The following LRRC7 variants were observed in gnomAD, a reference collection of about 807,000 sequenced individuals.
LRRC7 encodes leucine-rich repeat-containing protein 7.
LRRC7 carries 23 observed loss-of-function variants against 175.7 expected under a neutral mutation model. The ratio of observed to expected loss-of-function variants is 0.13; its 90% CI spans 0.09 to 0.19. LRRC7 has a LOEUF of 0.19. LRRC7 is among the 10% of genes least tolerant of loss of function. LRRC7 has a pLI of 1.00. For missense variants in LRRC7, 1,354 were observed against 1,904.7 expected (o/e 0.71, Z 5.38); for synonymous variants, 685 against 680.9 (o/e 1.01, Z -0.09).
intron 3 of LRRC7, among the ~76,000 whole-genome samples, chr1:69,773,988 TGA>T (rs891542454): frequency 1.1e-4 from 17 of 152,250 alleles, no homozygotes; most frequent in African/African-American, 3.6e-4. Context: ...CTCTACAGCC[TGA>T]GAGACAGAGT....
chr1:69,758,093 T>C (rs1238591669), intron 2 of LRRC7, among the ~76,000 whole-genome samples: 1 of 152,018 alleles, frequency 6.6e-6, no homozygotes, highest in Non-Finnish European at 1.5e-5. Context: ...AAGTGCCTAT[T>C]ATATATAATA....
chr1:70,070,704 A>T (rs1343549489), intron 23 of LRRC7, among the ~76,000 whole-genome samples: 2 of 152,112 alleles, frequency 1.3e-5, no homozygotes, highest in Non-Finnish European at 1.5e-5. Context: ...GCTTCTCATC[A>T]TTGCTAAGTG....
chr1:69,707,452 G>A (rs914495893), intron 2 of LRRC7, among the ~76,000 whole-genome samples: 10 of 151,974 alleles, frequency 6.6e-5, no homozygotes, highest in South Asian at 2.1e-4. Context: ...TTTATTACGC[G>A]CCAATTTCTG....
At chr1:69,575,145 T>A (rs2100890902) in intron 1 of LRRC7, among the ~76,000 whole-genome samples, 1 of 152,220 alleles carries the variant, frequency 6.6e-6, no homozygotes, top group South Asian at 2.1e-4. Flanking sequence ...AAGAAGAAAC[T>A]GAGGCCCCAC....
chr1:69,859,398 T>C (rs1242945851), intron 7 of LRRC7, among the ~76,000 whole-genome samples: 1 of 152,100 alleles, frequency 6.6e-6, no homozygotes, highest in Non-Finnish European at 1.5e-5. Context: ...CACACACCTA[T>C]ATAGAAGGCT....
At chr1:69,744,985 A>G (rs1669103033) in intron 2 of LRRC7, among the ~76,000 whole-genome samples, 1 of 151,832 alleles carries the variant, frequency 6.6e-6, no homozygotes, top group Non-Finnish European at 1.5e-5. Flanking sequence ...CCTGCTCAAA[A>G]ACCATGGCCA....
Position 70,121,785 on chromosome 1 carries a change from T to C in LRRC7, c.4626T>C (p.Asn1542=). ...LQPGDKILQA[N]GHSFVHMEHE... ...TTTTATTTGTGTATTTACAGGCAAA[T>C]GGACACAGTTTTGTACATATGGAAC... The change falls in exon 27 of 27, where the codon AAT becomes AAC. Residue 1542 remains asparagine (N), a synonymous_variant. Coordinates refer to ENST00000651989, the MANE Select transcript of LRRC7 (RefSeq NM_001370785.2). 1 of 1,604,856 alleles carries C rather than the reference T, an allele frequency of 6.2e-7. No homozygotes were observed. The highest frequency in any genetic ancestry group is 8.5e-7 in the Non-Finnish European group (1 of 1,172,668).
chr1:69,817,384 G>C (rs1179595181), intron 4 of LRRC7, among the ~76,000 whole-genome samples: 1 of 151,928 alleles, frequency 6.6e-6, no homozygotes, highest in Non-Finnish European at 1.5e-5. Flanking sequence ...ACCATTTGTT[G>C]AAGAGACTAT....
intron 4 of LRRC7, among the ~76,000 whole-genome samples, chr1:69,823,815 A>G (rs1385082522): frequency 6.6e-6 from 1 of 152,060 alleles, no homozygotes; most frequent in Non-Finnish European, 1.5e-5. Flanking sequence ...ATCTCTTTTA[A>G]TCCTCACTAC....
At chr1:69,658,334 A>G (rs1001708926) in intron 1 of LRRC7, among the ~76,000 whole-genome samples, 1 of 152,020 alleles carries the variant, frequency 6.6e-6, no homozygotes, top group Non-Finnish European at 1.5e-5. Context: ...TGGGATCTCC[A>G]TTATTGTCAG....
At chr1:69,698,556 C>A (rs1238923092) in intron 2 of LRRC7, among the ~76,000 whole-genome samples, 2 of 152,172 alleles carry the variant, frequency 1.3e-5, no homozygotes, top group East Asian at 1.9e-4. Flanking sequence ...CTAGGAATAT[C>A]CAGAAAACTG....
intron 1 of LRRC7, among the ~76,000 whole-genome samples, chr1:69,635,683 A>C (rs1400013167): frequency 6.6e-6 from 1 of 152,098 alleles, no homozygotes; most frequent in Non-Finnish European, 1.5e-5. Context: ...AAATAATAAC[A>C]ATTTAGAACA....
At chr1:69,573,961 T>A (rs1040934323) in intron 1 of LRRC7, among the ~76,000 whole-genome samples, 4 of 152,142 alleles carry the variant, frequency 2.6e-5, no homozygotes, top group African/African-American at 9.6e-5. Context: ...AGATGCAGTT[T>A]CTTCAGTTGT....
intron 18 of LRRC7, 22 bp from the exon 19 acceptor site, chr1:70,036,099 C>G (rs762776558): frequency 6.4e-7 from 1 of 1,561,966 alleles, no homozygotes; most frequent in South Asian, 1.2e-5. Context: ...CTTTCCTTGT[C>G]CTGTATTATT....
chr1:69,627,498 C>T (rs1041650508), intron 1 of LRRC7, among the ~76,000 whole-genome samples: 26 of 152,156 alleles, frequency 1.7e-4, no homozygotes, highest in African/African-American at 6.0e-4. Context: ...GGGTAGATTG[C>T]AAATATTTTC....
chr1:69,769,128 T>C (rs1051265781), intron 3 of LRRC7, among the ~76,000 whole-genome samples: 1 of 152,214 alleles, frequency 6.6e-6, no homozygotes, highest in African/African-American at 2.4e-5. Flanking sequence ...TGTACTACAG[T>C]ACAATGTAAA....
At chr1:69,848,761 A>T (rs1468924330) in intron 7 of LRRC7, among the ~76,000 whole-genome samples, 1 of 152,050 alleles carries the variant, frequency 6.6e-6, no homozygotes, top group African/African-American at 2.4e-5. Context: ...AATATTTCTA[A>T]ATTGCTATAG....
chr1:69,696,869 C>A (rs866424765), intron 2 of LRRC7, among the ~76,000 whole-genome samples: 1 of 152,216 alleles, frequency 6.6e-6, no homozygotes, highest in South Asian at 2.1e-4. Context: ...TGGCACCACA[C>A]TTCTTGTACA....
chr1:69,795,209 G>A (rs143961979), intron 4 of LRRC7, among the ~76,000 whole-genome samples: 3 of 152,128 alleles, frequency 2.0e-5, no homozygotes, highest in Admixed American at 6.5e-5. Flanking sequence ...GTGAAACCCC[G>A]TCTTGACTAA....
Sources: allele counts gnomAD v4.1 joint callset (sites outside exome capture counted in the v4.1 genomes callset), GRCh38; gene constraint gnomAD v4.1.1; transcripts MANE v1.5; gene names NCBI Gene and HGNC (gene_info 2026-07-23, HGNC 2026-07-21).